Variants in UBE2C observed in about 807,000 individuals in gnomAD.
The protein encoded by UBE2C is ubiquitin-conjugating enzyme E2 C.
A neutral mutation model predicts 23.5 loss-of-function variants in UBE2C; 16 were observed. The observed-to-expected ratio is 0.68, with a 90% confidence interval of 0.46 to 1.03. UBE2C has a LOEUF of 1.03. Ranked by LOEUF, UBE2C falls within the 50% of genes least tolerant of loss-of-function variation. The pLI is 0.00. For missense variants in UBE2C, 192 were observed against 227.6 expected (o/e 0.84, Z 1.01); for synonymous variants, 76 against 91.6 (o/e 0.83, Z 0.97).
At chr20:45,816,369 C>T (rs1341127720) in intron 5 of UBE2C, among the ~76,000 whole-genome samples, 2 of 152,096 alleles carry the variant, frequency 1.3e-5, no homozygotes, top group Admixed American at 6.5e-5. Context: ...GGCACAGTGG[C>T]TCATGCCTGT....
At chr20:45,814,320 C>T (rs996894021) in intron 2 of UBE2C, 64 bp from the exon 3 acceptor site, 1 of 1,027,050 alleles carries the variant, frequency 9.7e-7, no homozygotes, top group Non-Finnish European at 1.4e-6. Context: ...GGAAAGCTCA[C>T]CCACTGACCT....
rs1568714711 is a variant in UBE2C at position 45,814,270 on chromosome 20, G to GTATATATATATATATA, written c.130-114_130-113insTATATATATATATATA. 21 of 368,792 alleles carry GTATATATATATATATA rather than the reference G, an allele frequency of 5.7e-5. No individual in the cohort carries two copies. The African/African-American group carries it at 1.1e-3, about 19-fold the overall frequency. The allele number at this position is 368,792 out of a possible 1,614,324, so 22.8% of individuals were successfully genotyped here. A position where few individuals can be genotyped will look rare whatever the true frequency, so the allele number is the denominator to read the frequency against. On this transcript the variant is annotated intron_variant, in intron 2 of 5. Transcript: ENST00000356455. Reference sequence around the variant, plus strand: ...TATATATGTGTGTGTGTGTATGTGAGCATATATATATATATATATATATAT... The same window carrying GTATATATATATATATA: ...TATATATGTGTGTGTGTGTATGTGAGTATATATATATATATACATATATATATATATATATATATAT...
chr20:45,816,655 A>G (rs1344856494), intron 5 of UBE2C, 54 bp from the exon 6 acceptor site: 2 of 1,526,116 alleles, frequency 1.3e-6, no homozygotes. Flanking sequence ...TAAATAGTAA[A>G]GATTAACTCA....
Position 45,813,379 on chromosome 20 carries a change from C to T in UBE2C, c.102-58C>T, listed in dbSNP as rs532636185. On this transcript the variant is annotated intron_variant, in intron 1 of 5. Transcript: ENST00000356455. ...TGAGATTCAGGTGGGAGAAGATGCA[C>T]CGTCTGGAGGCCTGGCCCATCCAGA... 1.7e-5 allele frequency: 28 copies of T among 1,613,592 alleles called. No homozygotes were observed. In the African/African-American group the frequency reaches 2.9e-4, roughly 17 times the overall value.
chr20:45,816,788 C>A lies in UBE2C; in HGVS notation c.*21C>A. Reference sequence around the variant, plus strand: ...CCTGACCCAGGCTGCCCAGCCTGTCCTTGTGTCGTCTTTTTAATTTTTCCT... The same window carrying A: ...CCTGACCCAGGCTGCCCAGCCTGTCATTGTGTCGTCTTTTTAATTTTTCCT... On this transcript the variant is annotated 3_prime_UTR_variant, in exon 6 of 6. Transcript: ENST00000356455. 6.2e-7 allele frequency: 1 copy of A among 1,603,146 alleles called. No homozygotes were observed. The highest frequency in any genetic ancestry group is 8.5e-7 in the Non-Finnish European group (1 of 1,175,564).
chr20:45,815,875 T>G lies in UBE2C; in HGVS notation c.443T>G (p.Leu148Trp). 1 of 1,614,078 alleles carries G rather than the reference T, an allele frequency of 6.2e-7. No individual in the cohort carries two copies. Among genetic ancestry groups the G allele is most frequent in the Non-Finnish European group, 8.5e-7 (1 of 1,180,006 alleles). The change falls in exon 5 of 6, where the codon TTG (leucine) becomes TGG (tryptophan). Residue 148 changes from leucine (L) to tryptophan (W), a missense_variant. Transcript: ENST00000356455. ...LLGEPNIDSP[L>W]NTHAAELWKN... ...ACAGAACCCAACATTGATAGTCCCTTGAACACACATGCTGCCGAGCTCTGG... is the reference window on the plus strand; with the variant it reads ...ACAGAACCCAACATTGATAGTCCCTGGAACACACATGCTGCCGAGCTCTGG...
Position 45,812,651 on chromosome 20 carries a change from C to T in UBE2C, c.-45C>T, listed in dbSNP as rs1398903825. 6 of 1,546,118 alleles carry T rather than the reference C, an allele frequency of 3.9e-6. No individual in the cohort carries two copies. The highest frequency in any genetic ancestry group is 2.4e-5 in the East Asian group (1 of 40,880). On this transcript the variant is annotated 5_prime_UTR_variant, in exon 1 of 6. Transcript: ENST00000356455. Reference sequence around the variant, plus strand: ...GGGCGGGCCCGCAGTCCTGCAGTTGCAGTCGTGTTCTCCGAGTTCCTGTCT... The same window carrying T: ...GGGCGGGCCCGCAGTCCTGCAGTTGTAGTCGTGTTCTCCGAGTTCCTGTCT...
chr20:45,814,877 G>C (rs1327430579), intron 3 of UBE2C, among the ~76,000 whole-genome samples: 1 of 150,490 alleles, frequency 6.6e-6, no homozygotes, highest in Non-Finnish European at 1.5e-5. Context: ...TGTCGCCCAG[G>C]CCAGACTGCG....
At chr20:45,814,146 C>CTT (rs1158772080) in intron 2 of UBE2C, among the ~76,000 whole-genome samples, 63 of 133,952 alleles carry the variant, frequency 4.7e-4, no homozygotes, top group Non-Finnish European at 1.5e-4. Context: ...CTCTCTCTCT[C>CTT]TATATATATA....
chr20:45,813,221 G>A (rs1000133927), intron 1 of UBE2C: 6 of 1,463,362 alleles, frequency 4.1e-6, no homozygotes, highest in Non-Finnish European at 5.4e-6. Flanking sequence ...TTAAGAACAT[G>A]CCAGAATCAT....
chr20:45,816,488 T>A (rs1030356605), intron 5 of UBE2C, among the ~76,000 whole-genome samples: 11 of 151,988 alleles, frequency 7.2e-5, no homozygotes, highest in Non-Finnish European at 1.0e-4. Flanking sequence ...ACAAAAAAAA[T>A]TAACCGGGTA....
intron 3 of UBE2C, among the ~76,000 whole-genome samples, chr20:45,815,073 A>G (rs1015797115): frequency 1.3e-4 from 19 of 151,696 alleles, no homozygotes; most frequent in African/African-American, 4.6e-4. Flanking sequence ...TCCTGACCTC[A>G]AGATCCACCC....
In UBE2C at chr20:45,815,576, G is replaced by C. The variant is rs751722028; in HGVS notation, c.252G>C (p.Glu84Asp). ...ACCTGAGGTATAAGCTCTCGCTAGA[G>C]TTCCCCAGTGGCTACCCTTACAATG... ...YEDLRYKLSLEFPSGYPYNAP... is the reference protein window; with the variant it reads ...YEDLRYKLSLDFPSGYPYNAP... The change falls in exon 4 of 6, where the codon GAG becomes GAC. Residue 84 changes from glutamate to aspartate, a missense_variant. Coordinates refer to ENST00000356455, the MANE Select transcript of UBE2C (RefSeq NM_007019.4). 3.7e-6 allele frequency: 6 copies of C among 1,613,910 alleles called. No individual in the cohort carries two copies. In the African/African-American group the frequency reaches 8.0e-5, roughly 22 times the overall value.
chr20:45,815,026 A>T (rs1982367727), intron 3 of UBE2C, among the ~76,000 whole-genome samples: 1 of 150,958 alleles, frequency 6.6e-6, no homozygotes, highest in Non-Finnish European at 1.5e-5. Context: ...TTTAGTAGAG[A>T]CGGGGTTTCA....
intron 3 of UBE2C, chr20:45,815,299 A>T: frequency 7.3e-7 from 1 of 1,377,584 alleles, no homozygotes; most frequent in Middle Eastern, 2.3e-4. Context: ...CAGGCAGATC[A>T]CATGAGCCCA....
At chr20:45,815,335 A>G (rs1479873957) in intron 3 of UBE2C, 6 of 1,535,988 alleles carry the variant, frequency 3.9e-6, no homozygotes, top group Non-Finnish European at 5.2e-6. Flanking sequence ...CCTGGGCAAC[A>G]TGGTGAAACC....
chr20:45,815,569 C>T lies in UBE2C; in HGVS notation c.245C>T (p.Ser82Leu), dbSNP rs763209065. 6.2e-6 allele frequency: 10 copies of T among 1,614,042 alleles called. No individual in the cohort carries two copies. The South Asian group carries it at 6.6e-5, about 11-fold the overall frequency. ...TATGAAGACCTGAGGTATAAGCTCTCGCTAGAGTTCCCCAGTGGCTACCCT... is the reference window on the plus strand; with the variant it reads ...TATGAAGACCTGAGGTATAAGCTCTTGCTAGAGTTCCCCAGTGGCTACCCT... ...TVYEDLRYKL[S>L]LEFPSGYPYN... The change falls in exon 4 of 6, where the codon TCG (serine) becomes TTG (leucine). Residue 82 changes from serine (S) to leucine (L), a missense_variant. By Grantham distance (145) the Ser-to-Leu change is moderately radical (BLOSUM62 -2). Transcript: ENST00000356455.
chr20:45,814,299 TAA>T, intron 2 of UBE2C, 83 bp from the exon 3 acceptor site: 3 of 435,956 alleles, frequency 6.9e-6, no homozygotes, highest in East Asian at 1.2e-4. Flanking sequence ...TATATATATA[TAA>T]AATTAAGGGG....
In UBE2C at chr20:45,812,791, CA is replaced by C. The variant is rs1250015405; in HGVS notation, c.100del (p.Arg34GlyfsTer6). On this transcript the variant is annotated frameshift_variant, in exon 1 of 6. Coordinates refer to ENST00000356455, the MANE Select transcript of UBE2C (RefSeq NM_007019.4). LOFTEE classifies it high-confidence loss of function. ...GGGGCGCCGCCCGGGGTCCGGTGGG[CA>C]AAAGGTGAGTGATGCGGCCTACCAC... ...SGGAARGPVG[K>X]RLQQELMTLM... is the part of the protein sequence containing the mutation. The C allele has an allele frequency of 6.4e-7, 1 of 1,555,482 alleles. No individual in the cohort carries two copies. Among genetic ancestry groups the C allele is most frequent in the Non-Finnish European group, 8.7e-7 (1 of 1,149,668 alleles).
Sources: allele counts gnomAD v4.1 joint callset (sites outside exome capture counted in the v4.1 genomes callset), GRCh38; gene constraint gnomAD v4.1.1; transcripts MANE v1.5; gene names NCBI Gene and HGNC (gene_info 2026-07-23, HGNC 2026-07-21).